Variants in DENND4A observed in about 807,000 individuals in gnomAD.
DENND4A encodes C-myc promoter-binding protein.
In DENND4A, 70 loss-of-function variants were observed where a neutral mutation model predicts 199.3. That is an observed-to-expected ratio of 0.35 (90% confidence interval 0.29 to 0.43). The LOEUF (loss-of-function observed/expected upper bound fraction) is 0.43. DENND4A is among the 20% of genes least tolerant of loss of function. The pLI is 1.00. For synonymous variants in DENND4A, 686 were observed against 766.9 expected, an observed-to-expected ratio of 0.89 and a Z score of 1.74; for missense variants, 1,723 against 2,255.8, an observed-to-expected ratio of 0.76 and a Z score of 4.78.
chr15:65,697,213 T>G, intron 21 of DENND4A, 54 bp downstream of exon 21: 1 of 1,122,494 alleles, frequency 8.9e-7, no homozygotes. Flanking sequence ...CACCTGCATT[T>G]TCTATGAATA....
chr15:65,771,576 C>T, intron 1 of DENND4A: 2 of 1,612,786 alleles, frequency 1.2e-6, no homozygotes, highest in East Asian at 2.2e-5. Flanking sequence ...ACAGAAAAAC[C>T]TCCATCTCCT....
Position 65,702,258 on chromosome 15 carries a change from G to A in DENND4A, c.2430+47C>T, listed in dbSNP as rs775066993. On this transcript the variant is annotated intron_variant, in intron 17 of 32. Coordinates refer to ENST00000443035, the MANE Select transcript of DENND4A (RefSeq NM_001320835.1). ...CACTCCAGCCTGGGTGACAGAGTGAGACCCCATCTCAAAAAAATAAAATAA... is the reference window on the plus strand; with the variant it reads ...CACTCCAGCCTGGGTGACAGAGTGAAACCCCATCTCAAAAAAATAAAATAA... 3.4e-6 allele frequency: 5 copies of A among 1,449,390 alleles called. No individual in the cohort carries two copies. In the South Asian group the frequency reaches 4.9e-5, roughly 14 times the overall value. The allele number at this position is 1,449,390 out of a possible 1,614,324, so 89.8% of individuals were successfully genotyped here.
intron 1 of DENND4A, among the ~76,000 whole-genome samples, chr15:65,763,076 C>T (rs1487834891): frequency 6.6e-6 from 1 of 152,072 alleles, no homozygotes; most frequent in Admixed American, 6.5e-5. Context: ...GATGATGCCA[C>T]CGACAAAGTC....
At chr15:65,789,424 T>A (rs1362045357) in intron 1 of DENND4A, among the ~76,000 whole-genome samples, 1 of 151,264 alleles carries the variant, frequency 6.6e-6, no homozygotes, top group Non-Finnish European at 1.5e-5. Context: ...TATACAATAA[T>A]AAAGTGTGGT....
At chr15:65,690,313 TA>T in intron 23 of DENND4A, 101 bp downstream of exon 23, 1 of 1,269,406 alleles carries the variant, frequency 7.9e-7, no homozygotes, top group Non-Finnish European at 1.0e-6. Context: ...GTCCTTTTTA[TA>T]AAGCTATGTT....
chr15:65,678,124 C>T (rs1469703635), intron 23 of DENND4A, among the ~76,000 whole-genome samples: 2 of 151,992 alleles, frequency 1.3e-5, no homozygotes, highest in Non-Finnish European at 2.9e-5. Flanking sequence ...GACGGGGTTT[C>T]ACCATGTTGG....
At chr15:65,755,907 C>A (rs895445602) in intron 3 of DENND4A, among the ~76,000 whole-genome samples, 3 of 152,152 alleles carry the variant, frequency 2.0e-5, no homozygotes, top group Non-Finnish European at 4.4e-5. Context: ...TTTTCAAATT[C>A]TCTCCCCTGC....
chr15:65,662,134 G>A, intron 32 of DENND4A, 147 bp from the exon 33 acceptor site: 1 of 682,400 alleles, frequency 1.5e-6, no homozygotes, highest in Non-Finnish European at 2.4e-6. Context: ...GACCACAGCT[G>A]GATTGCACAG....
intron 7 of DENND4A, among the ~76,000 whole-genome samples, chr15:65,735,271 A>G (rs1348271253): frequency 1.3e-5 from 2 of 150,658 alleles, no homozygotes; most frequent in Admixed American, 6.6e-5. Context: ...CCAGCTACTC[A>G]GGAGGCTGAG....
chr15:65,755,582 A>T (rs1348263253), intron 3 of DENND4A, among the ~76,000 whole-genome samples: 6 of 152,060 alleles, frequency 3.9e-5, no homozygotes, highest in African/African-American at 1.4e-4. Context: ...CCTGGGCAAC[A>T]TAGCAAGACC....
intron 1 of DENND4A, among the ~76,000 whole-genome samples, chr15:65,762,402 T>C (rs1012190287): frequency 1.6e-4 from 25 of 152,010 alleles, no homozygotes; most frequent in Non-Finnish European, 3.4e-4. Context: ...GGCAGGAGGA[T>C]TGCTTAAGCC....
chr15:65,696,488 C>T lies in DENND4A; in HGVS notation c.2960G>A (p.Ser987Asn), dbSNP rs1234060902. The change falls in exon 22 of 33, where the codon AGT becomes AAT. Residue 987 changes from serine (S) to asparagine (N), a missense_variant. Around this residue, in one of 6 missense-constraint regions of DENND4A, gnomAD observed 650 missense variants for 738.1 expected, o/e 0.88. Transcript: ENST00000443035. ...KGSDCSSLSE[S>N]ESTKGSADCL... ...ATCAGCACTTCCTTTTGTACTCTCA[C>T]TCTCTGACACTGTAAAGATGAAAAT... 1 of 1,609,914 alleles carries T rather than the reference C, an allele frequency of 6.2e-7. No individual in the cohort carries two copies. Among genetic ancestry groups the T allele is most frequent in the South Asian group, 1.1e-5 (1 of 90,844 alleles).
intron 4 of DENND4A, among the ~76,000 whole-genome samples, chr15:65,750,103 TATATC>T (rs145974099): frequency 0.038 from 5,716 of 152,240 alleles, 368 homozygotes; most frequent in African/African-American, 0.13. Context: ...AAAAAAGGCT[TATATC>T]AGAAATATAA....
At chr15:65,780,763 T>C (rs981533722) in intron 1 of DENND4A, among the ~76,000 whole-genome samples, 5 of 152,230 alleles carry the variant, frequency 3.3e-5, no homozygotes, top group African/African-American at 7.2e-5. Context: ...ACAAACACCT[T>C]ATGAAGGCAT....
At position 65,671,316 on chromosome 15, in the gene DENND4A, C is replaced by G. The variant is rs185216315; in HGVS notation, c.4464+476G>C. 1.7e-3 allele frequency among the ~76,000 whole-genome samples: 264 copies of G among 152,282 alleles called. 1 individual carries two copies. Among genetic ancestry groups the G allele is most frequent in the African/African-American group, 5.9e-3 (247 of 41,558 alleles). ...TTCAATAATCTGAAATACTGGATAT[C>G]CAAAAGCTAAATTTTAACTTTACTC... On this transcript the variant is annotated intron_variant, in intron 25 of 32. Coordinates refer to ENST00000443035, the MANE Select transcript of DENND4A (RefSeq NM_001320835.1).
At chr15:65,753,457 C>G (rs1005212661) in intron 3 of DENND4A, among the ~76,000 whole-genome samples, 1 of 152,058 alleles carries the variant, frequency 6.6e-6, no homozygotes, top group African/African-American at 2.4e-5. Context: ...CTCCAATGTT[C>G]AAGCGATTCT....
rs563630629 is a variant in DENND4A, at chr15:65,788,317, C to T, written c.-102+3693G>A. On this transcript the variant is annotated intron_variant, in intron 1 of 32. Transcript: ENST00000443035. Reference sequence around the variant, plus strand: ...GTCTCGATCTCCTGACCTTGCGATCCGCCCACCTCGGCCTCCCAAAGTGCT... The same window carrying T: ...GTCTCGATCTCCTGACCTTGCGATCTGCCCACCTCGGCCTCCCAAAGTGCT... Among the ~76,000 whole-genome samples, 11 of 152,198 alleles carry T rather than the reference C, an allele frequency of 7.2e-5. No individual in the cohort carries two copies. The South Asian group carries it at 1.0e-3, about 14-fold the overall frequency.
chr15:65,684,969 C>A (rs1028439217), intron 23 of DENND4A, among the ~76,000 whole-genome samples: 4 of 151,852 alleles, frequency 2.6e-5, no homozygotes, highest in Admixed American at 2.0e-4. Flanking sequence ...GGATTACAGG[C>A]ATGCACCACC....
chr15:65,780,951 T>C (rs2077421304), intron 1 of DENND4A, among the ~76,000 whole-genome samples: 1 of 152,190 alleles, frequency 6.6e-6, no homozygotes, highest in Admixed American at 6.5e-5. Flanking sequence ...TCTGGGTGCT[T>C]GAGCTATAAC....
Sources: gnomAD v4.1 joint callset for allele counts (sites outside exome capture counted in the v4.1 genomes callset) on GRCh38, gnomAD v4.1.1 for gene constraint, gnomAD v4.1.1 regional missense constraint, MANE v1.5 for transcripts, NCBI Gene and HGNC (gene_info 2026-07-23, HGNC 2026-07-21) for gene names.